SORCS1: variants seen among roughly 807,000 people sequenced by gnomAD.
SORCS1 encodes VPS10 domain-containing receptor SorCS1.
SORCS1 carries 60 observed loss-of-function variants against 146.1 expected under a neutral mutation model. The observed-to-expected ratio is 0.41, with a 90% CI of 0.33 to 0.51. The LOEUF is 0.51. Among genes scored for constraint, SORCS1 ranks in the 20% least tolerant of loss-of-function variants. The pLI, the probability that SORCS1 is intolerant of heterozygous loss-of-function variation, is 0.21. For missense variants in SORCS1, 1,352 were observed against 1,487.6 expected, an observed-to-expected ratio of 0.91 and a Z score of 1.50; for synonymous variants, 637 against 584.0, an observed-to-expected ratio of 1.09 and a Z score of -1.31.
rs373074898 is a variant in SORCS1, at chr10:106,800,387, G to T, written c.727-23695C>A. ...TAAAGGTTGATATCTCTGTTTAACAGAACATTTCTAGGATTGTGTACAATA... is the reference window on the plus strand; with the variant it reads ...TAAAGGTTGATATCTCTGTTTAACATAACATTTCTAGGATTGTGTACAATA... On this transcript the variant is annotated intron_variant, in intron 3 of 25. Transcript: ENST00000263054. 9.9e-5 allele frequency among the ~76,000 whole-genome samples: 15 copies of T among 151,988 alleles called. No homozygotes were observed. In the South Asian group the frequency reaches 1.7e-3, roughly 17 times the overall value.
chr10:107,101,795 A>T (rs1015036103), intron 1 of SORCS1, among the ~76,000 whole-genome samples: 1 of 151,286 alleles, frequency 6.6e-6, no homozygotes, highest in East Asian at 1.9e-4. Context: ...GTTTGGGGAG[A>T]GTTGACTCAA....
intron 1 of SORCS1, among the ~76,000 whole-genome samples, chr10:107,098,030 A>C (rs114079992): frequency 1.4e-3 from 216 of 152,316 alleles, no homozygotes; most frequent in African/African-American, 5.0e-3. Context: ...ATTTTTTGCA[A>C]AGCACTATTG....
At chr10:107,161,563 G>A (rs141941767) in intron 1 of SORCS1, among the ~76,000 whole-genome samples, 8 of 152,144 alleles carry the variant, frequency 5.3e-5, no homozygotes, top group Admixed American at 6.5e-5. Flanking sequence ...TAATCTGACC[G>A]GCATAGCCCC....
At chr10:106,675,298 G>A in intron 13 of SORCS1, 142 bp from the exon 14 acceptor site, 1 of 609,412 alleles carries the variant, frequency 1.6e-6, no homozygotes, top group Non-Finnish European at 2.8e-6. Context: ...ATATGAATAA[G>A]TATTCTTAAT....
At chr10:106,934,716 G>GAATACT (rs1953619419) in intron 2 of SORCS1, among the ~76,000 whole-genome samples, 1 of 152,124 alleles carries the variant, frequency 6.6e-6, no homozygotes, top group African/African-American at 2.4e-5. Flanking sequence ...GTACATCATA[G>GAATACT]AATACTACTC....
intron 17 of SORCS1, among the ~76,000 whole-genome samples, chr10:106,654,739 T>C (rs1353934593): frequency 6.6e-6 from 1 of 152,232 alleles, no homozygotes; most frequent in Non-Finnish European, 1.5e-5. Flanking sequence ...AGGAAACTTA[T>C]GGGTTAACAC....
intron 2 of SORCS1, among the ~76,000 whole-genome samples, chr10:106,875,162 G>A (rs1035578580): frequency 6.6e-6 from 1 of 152,030 alleles, no homozygotes; most frequent in Non-Finnish European, 1.5e-5. Flanking sequence ...CACTCTGTAT[G>A]TCTTTGCTTA....
At chr10:106,688,824 C>A (rs1853075718) in intron 9 of SORCS1, among the ~76,000 whole-genome samples, 1 of 152,256 alleles carries the variant, frequency 6.6e-6, no homozygotes, top group East Asian at 1.9e-4. Context: ...GTCACACTGC[C>A]CAAGGGCACA....
intron 1 of SORCS1, among the ~76,000 whole-genome samples, chr10:106,982,897 C>A (rs1014524771): frequency 6.6e-6 from 1 of 151,990 alleles, no homozygotes; most frequent in South Asian, 2.1e-4. Flanking sequence ...GTCCTGAAGG[C>A]AGCCTATTGA....
chr10:107,173,377 G>A, the SORCS1 span, among the ~76,000 whole-genome samples: 486 of 152,134 alleles, frequency 3.2e-3, 4 homozygotes, highest in African/African-American at 0.011. Flanking sequence ...GATTTTAAGT[G>A]CTCTTACCAC....
chr10:106,753,863 G>A (rs1204796114), intron 5 of SORCS1, among the ~76,000 whole-genome samples: 1 of 152,160 alleles, frequency 6.6e-6, no homozygotes, highest in Non-Finnish European at 1.5e-5. Context: ...AGCATAGTGT[G>A]CAGATAACAC....
intron 1 of SORCS1, among the ~76,000 whole-genome samples, chr10:107,104,829 A>AACAGGTCAG (rs1275362850): frequency 3.9e-5 from 6 of 152,208 alleles, no homozygotes; most frequent in Non-Finnish European, 8.8e-5. Flanking sequence ...TATAGGAAAG[A>AACAGGTCAG]ACAGGTCAGC....
chr10:106,769,649 G>C (rs571171006), intron 4 of SORCS1, among the ~76,000 whole-genome samples: 3 of 152,122 alleles, frequency 2.0e-5, no homozygotes, highest in African/African-American at 7.2e-5. Flanking sequence ...ACTAAAATTA[G>C]TTCTTTTTTA....
intron 1 of SORCS1, among the ~76,000 whole-genome samples, chr10:107,015,728 TC>T (rs1413974203): frequency 3.9e-5 from 6 of 152,206 alleles, no homozygotes; most frequent in Admixed American, 2.0e-4. Context: ...CCCCATTATC[TC>T]CTTGAGAACA....
chr10:107,064,253 T>C (rs972016599), intron 1 of SORCS1, among the ~76,000 whole-genome samples: 4 of 152,116 alleles, frequency 2.6e-5, no homozygotes, highest in Admixed American at 1.3e-4. Flanking sequence ...TAAACCCCGA[T>C]CTGGAAGGGA....
At chr10:106,803,361 C>G (rs1219497260) in intron 3 of SORCS1, among the ~76,000 whole-genome samples, 1 of 152,086 alleles carries the variant, frequency 6.6e-6, no homozygotes, top group Non-Finnish European at 1.5e-5. Context: ...GAAAACATAC[C>G]AGGGCACTTG....
At chr10:106,657,286 T>A (rs953179167) in intron 17 of SORCS1, among the ~76,000 whole-genome samples, 1 of 152,158 alleles carries the variant, frequency 6.6e-6, no homozygotes, top group Non-Finnish European at 1.5e-5. Context: ...AAAAAAAGAA[T>A]GAAATAATGT....
chr10:107,176,564 T>A, the SORCS1 span, among the ~76,000 whole-genome samples: 52 of 152,040 alleles, frequency 3.4e-4, no homozygotes, highest in African/African-American at 1.3e-3. Flanking sequence ...GGTCTTCAAC[T>A]CCTGGTCTCA....
chr10:107,170,135 T>C, the SORCS1 span, among the ~76,000 whole-genome samples: 9 of 152,330 alleles, frequency 5.9e-5, no homozygotes, highest in South Asian at 1.9e-3. Context: ...AACTTTATTA[T>C]AGTCTTAAAA....
Sources: allele counts gnomAD v4.1 joint callset (sites outside exome capture counted in the v4.1 genomes callset), GRCh38; gene constraint gnomAD v4.1.1; transcripts MANE v1.5; gene names NCBI Gene and HGNC (gene_info 2026-07-23, HGNC 2026-07-21).